Variants in DOCK1 observed in about 807,000 individuals in gnomAD.
The protein encoded by DOCK1 is dedicator of cytokinesis protein 1.
Under a neutral mutation model 262.7 loss-of-function variants are expected in DOCK1, and 138 were observed. The ratio of observed to expected loss-of-function variants is 0.53; its 90% CI spans 0.46 to 0.61. The LOEUF is 0.61. DOCK1 is among the 20% of genes least tolerant of loss of function. The pLI, the probability that DOCK1 is intolerant of heterozygous loss-of-function variation, is 0.00. For missense variants in DOCK1, 1,908 were observed against 2,370.7 expected (o/e 0.80, Z 4.05); for synonymous variants, 866 against 867.4 (o/e 1.00, Z 0.03).
At chr10:127,115,806 C>A (rs1001523734) in intron 25 of DOCK1, among the ~76,000 whole-genome samples, 1 of 152,186 alleles carries the variant, frequency 6.6e-6, no homozygotes, top group African/African-American at 2.4e-5. Flanking sequence ...GTTCTCTCAC[C>A]CACTGGCCCC....
At chr10:127,396,337 C>T (rs992871995) in intron 38 of DOCK1, among the ~76,000 whole-genome samples, 1 of 152,196 alleles carries the variant, frequency 6.6e-6, no homozygotes, top group African/African-American at 2.4e-5. Flanking sequence ...CAGGACATCT[C>T]ACCAGCAAGT....
chr10:127,174,095 C>G (rs757577481), intron 27 of DOCK1, among the ~76,000 whole-genome samples: 4 of 152,228 alleles, frequency 2.6e-5, no homozygotes, highest in Non-Finnish European at 5.9e-5. Context: ...TCAGCCACAG[C>G]AATCCTCTTA....
At chr10:127,275,742 G>C (rs937197097) in intron 29 of DOCK1, among the ~76,000 whole-genome samples, 3 of 143,178 alleles carry the variant, frequency 2.1e-5, no homozygotes, top group African/African-American at 4.9e-5. Context: ...GGAGGTACAG[G>C]TGTCAACCTG....
At chr10:127,146,048 G>A (rs1327459158) in intron 27 of DOCK1, 4 of 518,488 alleles carry the variant, frequency 7.7e-6, no homozygotes, top group South Asian at 5.6e-5. Flanking sequence ...CCCAGCCCTA[G>A]ACATCGTGGC....
intron 24 of DOCK1, among the ~76,000 whole-genome samples, chr10:127,110,038 T>C (rs1383494447): frequency 4.6e-5 from 7 of 152,214 alleles, no homozygotes; most frequent in African/African-American, 1.7e-4. Flanking sequence ...TTTTGGATTA[T>C]AGGCACGTTA....
chr10:127,208,047 G>A (rs983338419), intron 27 of DOCK1, among the ~76,000 whole-genome samples: 6 of 152,184 alleles, frequency 3.9e-5, no homozygotes, highest in Non-Finnish European at 8.8e-5. Context: ...CAGAATTAGA[G>A]CAGTATATCC....
intron 23 of DOCK1, among the ~76,000 whole-genome samples, chr10:127,067,941 G>A (rs2045973044): frequency 6.6e-6 from 1 of 151,966 alleles, no homozygotes; most frequent in Non-Finnish European, 1.5e-5. Flanking sequence ...GCTGAGGTTG[G>A]CACACAGATG....
intron 49 of DOCK1, among the ~76,000 whole-genome samples, chr10:127,439,665 A>G (rs2069950808): frequency 1.3e-5 from 2 of 152,192 alleles, no homozygotes; most frequent in Admixed American, 6.5e-5. Flanking sequence ...CAGCGGAACT[A>G]GAATCCAAAG....
chr10:127,023,449 C>T (rs2042590129), intron 14 of DOCK1, 125 bp downstream of exon 14: 18 of 1,318,296 alleles, frequency 1.4e-5, no homozygotes, highest in East Asian at 2.6e-5. Flanking sequence ...TTGGGATTGG[C>T]GTTGGTTCTT....
intron 27 of DOCK1, among the ~76,000 whole-genome samples, chr10:127,159,183 G>C (rs552133411): frequency 2.0e-5 from 3 of 152,222 alleles, no homozygotes; most frequent in Non-Finnish European, 4.4e-5. Context: ...TTTTTGTGGA[G>C]TCCAGTTTTT....
At chr10:127,028,267 C>A (rs1564744747) in intron 16 of DOCK1, among the ~76,000 whole-genome samples, 1 of 152,144 alleles carries the variant, frequency 6.6e-6, no homozygotes, top group Admixed American at 6.5e-5. Flanking sequence ...ATCCAGGCTA[C>A]CAGACCCCAG....
In DOCK1 at chr10:127,403,172, T is replaced by C. The variant is rs1376468104; in HGVS notation, c.4017+28T>C. 4 of 1,568,380 alleles carry C rather than the reference T, an allele frequency of 2.6e-6. No individual in the cohort carries two copies. The Admixed American group carries it at 7.4e-5, about 29-fold the overall frequency. ...GAGTCTTTATTTCTTTTTATTTAAA[T>C]GAACACAGGCAATCTCAGCTGGTTT... On this transcript the variant is annotated intron_variant, in intron 39 of 51. Coordinates refer to ENST00000623213, the MANE Select transcript of DOCK1 (RefSeq NM_001290223.2).
intron 29 of DOCK1, among the ~76,000 whole-genome samples, chr10:127,288,267 T>C (rs1422547076): frequency 1.3e-5 from 2 of 152,212 alleles, no homozygotes; most frequent in Non-Finnish European, 2.9e-5. Flanking sequence ...TAGTCTTTGA[T>C]AATGGCTTTC....
chr10:127,349,140 A>T (rs1012970289), intron 31 of DOCK1, among the ~76,000 whole-genome samples: 4 of 151,612 alleles, frequency 2.6e-5, no homozygotes, highest in African/African-American at 9.7e-5. Context: ...AAAATGCCTC[A>T]CCCCAGCCAT....
At chr10:127,365,089 C>T (rs1435748790) in intron 33 of DOCK1, among the ~76,000 whole-genome samples, 2 of 152,084 alleles carry the variant, frequency 1.3e-5, no homozygotes, top group African/African-American at 4.8e-5. Context: ...TATCAAGGAG[C>T]TTTCCCTTAA....
At chr10:126,905,599 A>C in intron 1 of DOCK1, 36 bp downstream of exon 1, 1 of 330,956 alleles carries the variant, frequency 3.0e-6, no homozygotes, top group Non-Finnish European at 5.5e-6. Context: ...CTCTCGCCCC[A>C]AGCCCAGGCT....
intron 44 of DOCK1, among the ~76,000 whole-genome samples, chr10:127,416,609 C>T (rs548682476): frequency 6.6e-6 from 1 of 152,316 alleles, no homozygotes; most frequent in African/African-American, 2.4e-5. Flanking sequence ...CGTCCTGCTA[C>T]CAAACCCTGA....
intron 46 of DOCK1, 129 bp downstream of exon 46, chr10:127,419,878 C>A: frequency 9.9e-7 from 1 of 1,007,148 alleles, no homozygotes; most frequent in Non-Finnish European, 1.5e-6. Flanking sequence ...CTGTGATTGT[C>A]CCTGGGTGAA....
chr10:127,027,954 A>AT (rs1385509079), intron 16 of DOCK1, among the ~76,000 whole-genome samples: 1 of 151,144 alleles, frequency 6.6e-6, no homozygotes, highest in Admixed American at 6.6e-5. Flanking sequence ...GTGCCGGCCC[A>AT]TGACTGTCAA....
Sources: gnomAD v4.1 joint callset for allele counts (sites outside exome capture counted in the v4.1 genomes callset) on GRCh38, gnomAD v4.1.1 for gene constraint, MANE v1.5 for transcripts, NCBI Gene and HGNC (gene_info 2026-07-23, HGNC 2026-07-21) for gene names.